The following RCAN2 variants were observed in gnomAD, a reference collection of about 807,000 sequenced individuals.
RCAN2 encodes the protein regulator of calcineurin 2, also known as calcipressin-2.
A neutral mutation model predicts 23.6 loss-of-function variants in RCAN2; 9 were observed. The observed-to-expected ratio is 0.38, with a 90% CI of 0.23 to 0.67. RCAN2 has a LOEUF of 0.67. Among genes scored for constraint, RCAN2 ranks in the 30% least tolerant of loss-of-function variants. The probability of loss-of-function intolerance (pLI) is 0.51; values close to 1 mark genes in which losing one functional copy is unlikely to be tolerated. For missense variants in RCAN2, 273 were observed against 302.3 expected (o/e 0.90, Z 0.72); for synonymous variants, 109 against 115.7 (o/e 0.94, Z 0.37).
At chr6:46,341,078 T>TA (rs1414762563) in intron 2 of RCAN2, among the ~76,000 whole-genome samples, 2 of 152,208 alleles carry the variant, frequency 1.3e-5, no homozygotes, top group African/African-American at 2.4e-5. Context: ...TTACTAGTTT[T>TA]AAAAAATCTT....
At chr6:46,333,383 G>C (rs943462112) in intron 2 of RCAN2, among the ~76,000 whole-genome samples, 2 of 152,164 alleles carry the variant, frequency 1.3e-5, no homozygotes, top group Admixed American at 6.5e-5. Flanking sequence ...TTTTACACCT[G>C]TATAGTATTC....
chr6:46,359,251 T>C (rs968210521), intron 2 of RCAN2, among the ~76,000 whole-genome samples: 1 of 152,164 alleles, frequency 6.6e-6, no homozygotes, highest in Non-Finnish European at 1.5e-5. Context: ...CAAGTGACTT[T>C]TGTTGGAAAA....
At chr6:46,361,426 T>C (rs562149175) in intron 2 of RCAN2, among the ~76,000 whole-genome samples, 6 of 152,292 alleles carry the variant, frequency 3.9e-5, no homozygotes, top group African/African-American at 1.4e-4. Context: ...CTGCTTTTTG[T>C]TTTCAGAAAG....
chr6:46,405,321 A>C (rs4598074), intron 2 of RCAN2, among the ~76,000 whole-genome samples: 17,518 of 152,146 alleles, frequency 0.12, 1,375 homozygotes, highest in Non-Finnish European at 0.17. Flanking sequence ...GGAAAGAACA[A>C]AGCTTCCACA....
intron 2 of RCAN2, among the ~76,000 whole-genome samples, chr6:46,413,448 G>T (rs1766606607): frequency 6.6e-6 from 1 of 152,188 alleles, no homozygotes; most frequent in African/African-American, 2.4e-5. Flanking sequence ...CTGTTATGCA[G>T]TTAAGTCCTC....
Position 46,324,977 on chromosome 6 carries a change from AG to A in RCAN2, c.226-76082del, listed in dbSNP as rs1763742830. ...AGGATATTTAAGTGACATGCCAGAA[AG>A]GGTTATTGCCCCACTGTCAGGCTGG... On this transcript the variant is annotated intron_variant, in intron 2 of 4. Coordinates refer to ENST00000371374, the MANE Select transcript of RCAN2 (RefSeq NM_001251974.2). 2.6e-5 allele frequency among the ~76,000 whole-genome samples: 4 copies of A among 152,382 alleles called. No homozygotes were observed. The South Asian group carries it at 8.3e-4, about 32-fold the overall frequency.
At chr6:46,458,579 C>T (rs2150433886) in intron 1 of RCAN2, among the ~76,000 whole-genome samples, 1 of 151,944 alleles carries the variant, frequency 6.6e-6, no homozygotes, top group South Asian at 2.1e-4. Flanking sequence ...TTTAAATCAA[C>T]AAAATACTTA....
intron 4 of RCAN2, among the ~76,000 whole-genome samples, chr6:46,236,528 T>C (rs1766106622): frequency 6.6e-6 from 1 of 152,078 alleles, no homozygotes; most frequent in Non-Finnish European, 1.5e-5. Context: ...CCTCTAGCAA[T>C]GTGTTATATT....
At chr6:46,464,953 T>A (rs1249499636) in intron 1 of RCAN2, among the ~76,000 whole-genome samples, 3 of 151,896 alleles carry the variant, frequency 2.0e-5, no homozygotes, top group African/African-American at 7.3e-5. Flanking sequence ...CATGTCCTTT[T>A]GCACTGGATG....
At chr6:46,308,481 T>G (rs968299543) in intron 2 of RCAN2, among the ~76,000 whole-genome samples, 1 of 151,964 alleles carries the variant, frequency 6.6e-6, no homozygotes, top group Non-Finnish European at 1.5e-5. Flanking sequence ...GGGCCAGAGG[T>G]GCTTTTGAGC....
intron 2 of RCAN2, among the ~76,000 whole-genome samples, chr6:46,442,214 T>G (rs1310564509): frequency 6.6e-6 from 1 of 152,222 alleles, no homozygotes; most frequent in Admixed American, 6.5e-5. Flanking sequence ...AAACTGCCTC[T>G]GAAAAAAGTA....
chr6:46,325,324 A>G (rs1267390235), intron 2 of RCAN2: 2 of 1,565,358 alleles, frequency 1.3e-6, no homozygotes, highest in African/African-American at 1.4e-5. Context: ...TTATTTCTTC[A>G]TGCTAAAAAG....
chr6:46,238,556 AT>A (rs1160853578), intron 4 of RCAN2, among the ~76,000 whole-genome samples: 1 of 151,966 alleles, frequency 6.6e-6, no homozygotes, highest in Non-Finnish European at 1.5e-5. Context: ...CATTTAAATT[AT>A]TTTTTTATTG....
At chr6:46,416,152 A>T (rs1325345196) in intron 2 of RCAN2, among the ~76,000 whole-genome samples, 1 of 152,064 alleles carries the variant, frequency 6.6e-6, no homozygotes, top group Non-Finnish European at 1.5e-5. Context: ...ACTGTATATG[A>T]ATTATCTCTC....
At chr6:46,339,881 T>C (rs1764250337) in intron 2 of RCAN2, among the ~76,000 whole-genome samples, 1 of 152,188 alleles carries the variant, frequency 6.6e-6, no homozygotes, top group South Asian at 2.1e-4. Flanking sequence ...GGGAATTTAT[T>C]AGGCTACCTC....
intron 2 of RCAN2, among the ~76,000 whole-genome samples, chr6:46,393,854 G>A (rs191681388): frequency 1.6e-4 from 24 of 152,102 alleles, no homozygotes; most frequent in African/African-American, 2.7e-4. Context: ...GACCTCCTCC[G>A]GGCCCTGTCT....
At chr6:46,476,926 A>C (rs1768729492) in intron 1 of RCAN2, among the ~76,000 whole-genome samples, 1 of 152,198 alleles carries the variant, frequency 6.6e-6, no homozygotes, top group Non-Finnish European at 1.5e-5. Flanking sequence ...AAAGAAAGGA[A>C]CTGAAGGTTG....
intron 2 of RCAN2, among the ~76,000 whole-genome samples, chr6:46,430,935 C>G (rs1767180614): frequency 6.6e-6 from 1 of 152,022 alleles, no homozygotes; most frequent in South Asian, 2.1e-4. Context: ...CGTAGAGAAC[C>G]CCAGATGCCA....
chr6:46,285,296 A>G (rs1287746380), intron 2 of RCAN2, among the ~76,000 whole-genome samples: 1 of 152,192 alleles, frequency 6.6e-6, no homozygotes, highest in Admixed American at 6.5e-5. Flanking sequence ...CCCTATTTCC[A>G]GAGATGGAGC....
Sources: allele counts gnomAD v4.1 joint callset (sites outside exome capture counted in the v4.1 genomes callset), GRCh38; gene constraint gnomAD v4.1.1; transcripts MANE v1.5; gene names NCBI Gene and HGNC (gene_info 2026-07-23, HGNC 2026-07-21).